Variants in CDH15 observed in about 807,000 individuals in gnomAD.
The protein encoded by CDH15 is cadherin-15.
Under a neutral mutation model 69.4 loss-of-function variants are expected in CDH15, and 73 were observed. That is an observed-to-expected ratio of 1.05 (90% CI 0.87 to 1.28). CDH15 has a LOEUF of 1.28. Among genes scored for constraint, CDH15 ranks in the 50% most tolerant of loss-of-function variants. CDH15 has a pLI of 0.00. For missense variants in CDH15, 1,343 were observed against 1,133.6 expected (o/e 1.18, Z -2.65); for synonymous variants, 624 against 507.7 (o/e 1.23, Z -3.08).
intron 1 of CDH15, among the ~76,000 whole-genome samples, chr16:89,172,600 C>T (rs566584947): frequency 1.1e-4 from 16 of 152,272 alleles, no homozygotes; most frequent in African/African-American, 3.6e-4. Flanking sequence ...CTGCTGGCAC[C>T]GTGGTCTCTC....
chr16:89,177,592 G>C (rs1437264303), intron 1 of CDH15, among the ~76,000 whole-genome samples: 1 of 151,996 alleles, frequency 6.6e-6, no homozygotes, highest in Admixed American at 6.5e-5. Flanking sequence ...AGGGCACAGG[G>C]GATGGGAGAG....
chr16:89,192,097 G>T (rs1011100089), intron 10 of CDH15, 108 bp from the exon 11 acceptor site: 2 of 1,380,414 alleles, frequency 1.4e-6, no homozygotes, highest in Admixed American at 2.5e-5. Flanking sequence ...GGGTGGGGGG[G>T]ACCCAGGCCC....
chr16:89,189,562 G>C (rs1915592231), intron 7 of CDH15, among the ~76,000 whole-genome samples: 1 of 152,242 alleles, frequency 6.6e-6, no homozygotes, highest in South Asian at 2.1e-4. Context: ...CTACCCATGG[G>C]GCTTGAGGGC....
intron 5 of CDH15, among the ~76,000 whole-genome samples, chr16:89,186,609 A>C (rs530118150): frequency 1.2e-3 from 162 of 134,578 alleles, no homozygotes; most frequent in Non-Finnish European, 1.8e-3. Flanking sequence ...ACGCTCACCC[A>C]GCGCACAGTA....
At chr16:89,179,640 T>A in intron 2 of CDH15, 66 bp downstream of exon 2, 1 of 1,459,532 alleles carries the variant, frequency 6.9e-7, no homozygotes, top group Non-Finnish European at 9.2e-7. Context: ...CCTCCCTCAT[T>A]CTCTAAAGGT....
chr16:89,178,009 G>A (rs1410436892), intron 1 of CDH15, among the ~76,000 whole-genome samples: 1 of 152,228 alleles, frequency 6.6e-6, no homozygotes, highest in Non-Finnish European at 1.5e-5. Flanking sequence ...CCAAGGCCCA[G>A]GCTAGGAGCT....
In CDH15 at chr16:89,191,462, C is replaced by T. The variant is rs748710226; in HGVS notation, c.1365C>T (p.Ala455=). The change falls in exon 9 of 14, where the codon GCC becomes GCT. Residue 455 remains alanine, a synonymous_variant. Transcript: ENST00000289746. ...KGGWYRAIVL[A]QDDASQPRTA... ...GCTGGTACAGAGCCATCGTCCTGGC[C>T]CAGGATGACGGTGAGCGGCGCCGCC... 6.2e-7 allele frequency: 1 copy of T among 1,612,502 alleles called. No individual in the cohort carries two copies. The highest frequency in any genetic ancestry group is 1.7e-5 in the Admixed American group (1 of 60,008).
intron 7 of CDH15, among the ~76,000 whole-genome samples, chr16:89,188,772 CCA>C (rs1380173623): frequency 1.5e-5 from 2 of 131,422 alleles, no homozygotes; most frequent in African/African-American, 5.8e-5. Flanking sequence ...ACACAGATGC[CCA>C]CACACAGATG....
At chr16:89,180,500 G>A in intron 3 of CDH15, 145 bp downstream of exon 3, 2 of 945,350 alleles carry the variant, frequency 2.1e-6, no homozygotes, top group Non-Finnish European at 3.3e-6. Flanking sequence ...TGAGGGGGCA[G>A]GTACAGGGGT....
chr16:89,194,211 G>C (rs1915735904), intron 13 of CDH15, among the ~76,000 whole-genome samples: 1 of 152,206 alleles, frequency 6.6e-6, no homozygotes, highest in African/African-American at 2.4e-5. Context: ...GGGAGCCCCG[G>C]GAGCATCCCC....
Position 89,183,545 on chromosome 16 carries a change from C to G in CDH15, c.358-3C>G. ...AGCCAGCCCTTGCTCTATGTTTGAA[C>G]AGCTAAGAGCGTTTGCCCTGGACCT... is the stretch of plus-strand genomic sequence containing the variant. On this transcript the variant is annotated splice_polypyrimidine_tract_variant and splice_region_variant and intron_variant, in intron 3 of 13. Transcript: ENST00000289746. The G allele has an allele frequency of 6.2e-7, 1 of 1,614,110 alleles. No homozygotes were observed. Among genetic ancestry groups the G allele is most frequent in the Non-Finnish European group, 8.5e-7 (1 of 1,180,026 alleles).
chr16:89,191,408 C>G lies in CDH15; in HGVS notation c.1311C>G (p.Leu437=), dbSNP rs1448991885. The change falls in exon 9 of 14, where the codon CTC becomes CTG. Residue 437 remains leucine, a synonymous_variant. Transcript: ENST00000289746. ...ATGRIQTQHV[L]SPASPFLKGG... ...GCCGGATCCAGACCCAGCACGTGCT[C>G]AGCCCGGCGTCCCCCTTCCTCAAGG... 1.2e-6 allele frequency: 2 copies of G among 1,612,772 alleles called. No individual in the cohort carries two copies. The highest frequency in any genetic ancestry group is 8.5e-7 in the Non-Finnish European group (1 of 1,179,990).
chr16:89,195,453 G>T lies in CDH15; in HGVS notation c.*298G>T. ...TTGTATGAAAGACAGCAACCTCCTGGGTAAATCTGAATGAAAAACGTGCTA... is the reference window on the plus strand; with the variant it reads ...TTGTATGAAAGACAGCAACCTCCTGTGTAAATCTGAATGAAAAACGTGCTA... On this transcript the variant is annotated 3_prime_UTR_variant, in exon 14 of 14. Coordinates refer to ENST00000289746, the MANE Select transcript of CDH15 (RefSeq NM_004933.3). 2.2e-6 allele frequency: 1 copy of T among 460,530 alleles called. No homozygotes were observed. Among genetic ancestry groups the T allele is most frequent in the Non-Finnish European group, 3.9e-6 (1 of 257,416 alleles). 28.5% of individuals were successfully genotyped at this position (460,530 alleles called of 1,614,324 possible). A position where few individuals can be genotyped will look rare whatever the true frequency, so the allele number is the denominator to read the frequency against.
At position 89,187,512 on chromosome 16, in the gene CDH15, C is replaced by A; in HGVS notation, c.747C>A (p.Thr249=). Residue 249 remains threonine, a synonymous_variant, in exon 6 of 14, where the codon ACC becomes ACA. Coordinates refer to ENST00000289746, the MANE Select transcript of CDH15 (RefSeq NM_004933.3). ...GLTATASAII[T]LDDINDNAPE... ...CAGCCACTGCCTCAGCCATCATCAC[C>A]CTTGATGACATCAATGACAATGCCC... The A allele has an allele frequency of 6.2e-7, 1 of 1,613,720 alleles. No individual in the cohort carries two copies. Among genetic ancestry groups the A allele is most frequent in the Non-Finnish European group, 8.5e-7 (1 of 1,179,980 alleles).
chr16:89,189,377 GCACACAGATGCCCA>G (rs1024741204), intron 7 of CDH15, among the ~76,000 whole-genome samples: 56 of 73,542 alleles, frequency 7.6e-4, no homozygotes, highest in Admixed American at 3.0e-3. Context: ...AGATGCTGGC[GCACACAGATGCCCA>G]CACACAGATG....
chr16:89,173,126 CAGT>C (rs1350277995), intron 1 of CDH15, among the ~76,000 whole-genome samples: 3 of 152,164 alleles, frequency 2.0e-5, no homozygotes, highest in Admixed American at 6.5e-5. Context: ...CATCTGGAGA[CAGT>C]GGTGGGGGGA....
rs369195898 is a variant in CDH15, at chr16:89,192,438, C to G, written c.1849C>G (p.Leu617Val). The change falls in exon 11 of 14, where the codon CTG (leucine) becomes GTG (valine). Residue 617 changes from leucine (L) to valine (V), a missense_variant. By Grantham distance (32) the Leu-to-Val change is conservative. Coordinates refer to ENST00000289746, the MANE Select transcript of CDH15 (RefSeq NM_004933.3). The stretch of plus-strand genomic sequence containing the variant: ...CATCGTGCTGGCCAGCGCCCTCCTG[C>G]TGCTGGGTGAGTGAGCGCCCCGCCT... ...LVIVLASALL[L>V]LVLVLLVALR... The G allele has an allele frequency of 3.2e-6, 5 of 1,559,536 alleles. No individual in the cohort carries two copies. Among genetic ancestry groups the G allele is most frequent in the Non-Finnish European group, 4.3e-6 (5 of 1,160,190 alleles).
Position 89,174,334 on chromosome 16 carries a change from C to T in CDH15, c.42+2461C>T, listed in dbSNP as rs561715878. ...TTGAAGCCTGAGAAGCTTGAGGGGC[C>T]TTCGCACTCTCTTCCCAGGCAAACC... On this transcript the variant is annotated intron_variant, in intron 1 of 13. Transcript: ENST00000289746. Among the ~76,000 whole-genome samples, 3 of 152,200 alleles carry T rather than the reference C, an allele frequency of 2.0e-5. No individual in the cohort carries two copies. In the East Asian group the frequency reaches 5.8e-4, roughly 29 times the overall value.
Position 89,194,777 on chromosome 16 carries a change from C to T in CDH15, c.2152-85C>T, listed in dbSNP as rs532579024. 143 of 1,388,724 alleles carry T rather than the reference C, an allele frequency of 1.0e-4. No individual in the cohort carries two copies. In the East Asian group the frequency reaches 3.3e-3, roughly 32 times the overall value. 86.0% of individuals were successfully genotyped at this position (1,388,724 alleles called of 1,614,324 possible). A position where few individuals can be genotyped will look rare whatever the true frequency, so the allele number is the denominator to read the frequency against. On this transcript the variant is annotated intron_variant, in intron 13 of 13. Coordinates refer to ENST00000289746, the MANE Select transcript of CDH15 (RefSeq NM_004933.3). ...CCCCTTCCTGAGCCCGTGCCTTGAG[C>T]TGACTTTGCCCTGGGCTGTGGCCAC...
Sources: allele counts gnomAD v4.1 joint callset (sites outside exome capture counted in the v4.1 genomes callset), GRCh38; gene constraint gnomAD v4.1.1; transcripts MANE v1.5; gene names NCBI Gene and HGNC (gene_info 2026-07-23, HGNC 2026-07-21).